Variants in EPHA3 observed in about 807,000 individuals in gnomAD.
EPHA3 encodes the protein EPH receptor A3, also known as ephrin type-A receptor 3.
A neutral mutation model predicts 107.1 loss-of-function variants in EPHA3; 42 were observed. The ratio of observed to expected loss-of-function variants is 0.39; its 90% confidence interval spans 0.31 to 0.51. The LOEUF is 0.51. Among genes scored for constraint, EPHA3 ranks in the 20% least tolerant of loss-of-function variants. EPHA3 has a pLI of 0.78. For synonymous variants in EPHA3, 461 were observed against 424.8 expected, an observed-to-expected ratio of 1.09 and a Z score of -1.05; for missense variants, 1,183 against 1,211.2, an observed-to-expected ratio of 0.98 and a Z score of 0.35.
At chr3:89,271,296 G>A (rs1021654152) in intron 3 of EPHA3, among the ~76,000 whole-genome samples, 1 of 151,968 alleles carries the variant, frequency 6.6e-6, no homozygotes, top group Non-Finnish European at 1.5e-5. Context: ...GCTAGAAATG[G>A]CAATGTAAAG....
chr3:89,245,247 A>G (rs1397315171), intron 3 of EPHA3, among the ~76,000 whole-genome samples: 5 of 152,210 alleles, frequency 3.3e-5, no homozygotes, highest in African/African-American at 1.2e-4. Flanking sequence ...TAAGGCTAGT[A>G]TAGAATATTG....
At chr3:89,344,241 A>G (rs1011803147) in intron 5 of EPHA3, among the ~76,000 whole-genome samples, 13 of 152,174 alleles carry the variant, frequency 8.5e-5, no homozygotes, top group Non-Finnish European at 1.5e-4. Context: ...CCAAATATAC[A>G]CAGTAAATGA....
intron 2 of EPHA3, among the ~76,000 whole-genome samples, chr3:89,206,996 T>C (rs1706121305): frequency 6.6e-6 from 1 of 152,166 alleles, no homozygotes; most frequent in South Asian, 2.1e-4. Context: ...GCCTATCTTG[T>C]ATTTTAGATC....
At chr3:89,203,693 C>A (rs758088281) in intron 2 of EPHA3, among the ~76,000 whole-genome samples, 4 of 151,962 alleles carry the variant, frequency 2.6e-5, no homozygotes, top group Admixed American at 6.6e-5. Flanking sequence ...AGGAGAATGG[C>A]GTGAACCTGG....
At chr3:89,108,958 C>T (rs1266553822) in intron 1 of EPHA3, among the ~76,000 whole-genome samples, 1 of 152,098 alleles carries the variant, frequency 6.6e-6, no homozygotes, top group Non-Finnish European at 1.5e-5. Flanking sequence ...TACATCACTC[C>T]TTAGAAAATA....
intron 3 of EPHA3, among the ~76,000 whole-genome samples, chr3:89,290,260 ATT>A: frequency 6.6e-6 from 1 of 152,260 alleles, no homozygotes; most frequent in South Asian, 2.1e-4. Context: ...TGGATGTTTA[ATT>A]ATTTTAACCA....
intron 2 of EPHA3, among the ~76,000 whole-genome samples, chr3:89,165,194 T>C (rs1705035912): frequency 6.6e-6 from 1 of 152,188 alleles, no homozygotes; most frequent in South Asian, 2.1e-4. Flanking sequence ...TCATTTCTTT[T>C]GTAGCTACAA....
At position 89,340,921 on chromosome 3, in the gene EPHA3, C is replaced by T. The variant is rs760135022; in HGVS notation, c.820C>T (p.Arg274Ter). ...EERGFMCQACRPGFYKALDGN... is the reference protein window; with the variant it reads ...EERGFMCQAC ...GAGAGTCATTTTGTTTGTAGCTTGT[C>T]GACCAGGTTTCTACAAGGCATTGGA... The change falls in exon 4 of 17, where the codon CGA (arginine) becomes TGA (stop). Residue 274 changes from arginine to a stop codon, truncating the protein, a stop_gained. Transcript: ENST00000336596. LOFTEE classifies it high-confidence loss of function. 1 of 1,600,062 alleles carries T rather than the reference C, an allele frequency of 6.2e-7. No individual in the cohort carries two copies. Among genetic ancestry groups the T allele is most frequent in the Non-Finnish European group, 8.5e-7 (1 of 1,175,144 alleles).
In EPHA3 at chr3:89,114,609, C is replaced by T. The variant is rs1283187864; in HGVS notation, c.88+6773C>T. On this transcript the variant is annotated intron_variant, in intron 1 of 16. Transcript: ENST00000336596. ...GACCAGGGTGCCACGGCCTCCGTCC[C>T]GAGGTAGGGTGGGTGGGCGAGCGCA... Among the ~76,000 whole-genome samples, 6 of 152,198 alleles carry T rather than the reference C, an allele frequency of 3.9e-5. No individual in the cohort carries two copies. The East Asian group carries it at 1.2e-3, about 29-fold the overall frequency.
intron 3 of EPHA3, among the ~76,000 whole-genome samples, chr3:89,306,059 T>A (rs1403721172): frequency 6.6e-6 from 1 of 152,140 alleles, no homozygotes; most frequent in Non-Finnish European, 1.5e-5. Flanking sequence ...ATCATCATCA[T>A]TACTGTCCTT....
At chr3:89,357,448 A>G (rs1316056681) in intron 5 of EPHA3, among the ~76,000 whole-genome samples, 1 of 151,184 alleles carries the variant, frequency 6.6e-6, no homozygotes, top group Non-Finnish European at 1.5e-5. Context: ...TAGATATTTT[A>G]AAGAAAGAAA....
chr3:89,203,763 C>T (rs1706033242), intron 2 of EPHA3, among the ~76,000 whole-genome samples: 1 of 151,674 alleles, frequency 6.6e-6, no homozygotes, highest in South Asian at 2.1e-4. Flanking sequence ...GGCAACAGAG[C>T]GAGACTCTGT....
At chr3:89,475,060 A>T (rs1293700360) in intron 16 of EPHA3, among the ~76,000 whole-genome samples, 3 of 151,792 alleles carry the variant, frequency 2.0e-5, no homozygotes, top group Non-Finnish European at 2.9e-5. Context: ...TTGCCCTAAC[A>T]CTCCTTCTTG....
At chr3:89,356,983 C>G (rs1421424203) in intron 5 of EPHA3, among the ~76,000 whole-genome samples, 3 of 149,016 alleles carry the variant, frequency 2.0e-5, no homozygotes, top group Non-Finnish European at 3.0e-5. Flanking sequence ...GGTTGTGCAT[C>G]TGTAATCCCA....
At chr3:89,355,061 C>T (rs1013924703) in intron 5 of EPHA3, among the ~76,000 whole-genome samples, 10 of 150,788 alleles carry the variant, frequency 6.6e-5, no homozygotes, top group African/African-American at 2.4e-4. Context: ...CCAGAAATAA[C>T]CTCTTACTCC....
intron 5 of EPHA3, among the ~76,000 whole-genome samples, chr3:89,392,941 G>A (rs931728386): frequency 1.2e-4 from 19 of 152,042 alleles, no homozygotes; most frequent in African/African-American, 4.1e-4. Context: ...ACAATGGAGT[G>A]CCCAGAGAAT....
intron 2 of EPHA3, among the ~76,000 whole-genome samples, chr3:89,139,448 T>C (rs1337767402): frequency 6.6e-6 from 1 of 151,842 alleles, no homozygotes; most frequent in Non-Finnish European, 1.5e-5. Flanking sequence ...ATTTCTTAAG[T>C]TGAATTAGTA....
chr3:89,457,808 C>A (rs7626735), intron 15 of EPHA3, among the ~76,000 whole-genome samples: 29,103 of 152,134 alleles, frequency 0.19, 3,373 homozygotes, highest in Non-Finnish European at 0.25. Flanking sequence ...GAGAATTAAG[C>A]TTTCAATAGT....
intron 3 of EPHA3, among the ~76,000 whole-genome samples, chr3:89,293,399 G>A (rs1024507031): frequency 5.3e-5 from 8 of 152,078 alleles, no homozygotes; most frequent in Non-Finnish European, 1.0e-4. Flanking sequence ...TTGTGCTTTT[G>A]CTGTTATACC....
Sources: gnomAD v4.1 joint callset for allele counts (sites outside exome capture counted in the v4.1 genomes callset) on GRCh38, gnomAD v4.1.1 for gene constraint, MANE v1.5 for transcripts, NCBI Gene and HGNC (gene_info 2026-07-23, HGNC 2026-07-21) for gene names.